Variants in NRG3 observed in about 807,000 individuals in gnomAD.
The protein encoded by NRG3 is neuregulin 3.
NRG3 carries 31 observed loss-of-function variants against 66.9 expected under a neutral mutation model. That is an observed-to-expected ratio of 0.46 (90% CI 0.35 to 0.63). NRG3 has a LOEUF of 0.63. Ranked by LOEUF, NRG3 falls within the 20% of genes least tolerant of loss-of-function variation. The pLI is 0.00. For synonymous variants in NRG3, 393 were observed against 359.4 expected (o/e 1.09, Z -1.06); for missense variants, 910 against 878.9 (o/e 1.04, Z -0.45).
rs1249423059 is a variant in NRG3, at chr10:82,973,842, A to G, written c.1339A>G (p.Ser447Gly). Residue 447 changes from serine (S) to glycine (G), a missense_variant, in exon 7 of 9, where the codon AGT (serine) becomes GGT (glycine). Transcript: ENST00000372141. ...VTALEKMMES[S>G]FVGPQSFPEV... ...TGCATTGGAGAAAATGATGGAGTCA[A>G]GTTTTGTCGGCCCCCAGTCATTCCC... 1.9e-6 allele frequency: 3 copies of G among 1,613,930 alleles called. No individual in the cohort carries two copies. Among genetic ancestry groups the G allele is most frequent in the South Asian group, 1.1e-5 (1 of 91,094 alleles).
At chr10:82,169,977 CTT>C (rs1233336247) in intron 1 of NRG3, among the ~76,000 whole-genome samples, 2 of 128,366 alleles carry the variant, frequency 1.6e-5, no homozygotes, top group Non-Finnish European at 3.2e-5. Context: ...GATTTCAAGA[CTT>C]AAGTTTTTCA....
intron 1 of NRG3, among the ~76,000 whole-genome samples, chr10:81,930,742 A>G (rs138387356): frequency 6.6e-6 from 1 of 152,256 alleles, no homozygotes; most frequent in African/African-American, 2.4e-5. Flanking sequence ...CATCGCATGT[A>G]GAGGAGGGGC....
chr10:82,229,670 C>T (rs2076354299), intron 1 of NRG3, among the ~76,000 whole-genome samples: 1 of 152,062 alleles, frequency 6.6e-6, no homozygotes, highest in African/African-American at 2.4e-5. Flanking sequence ...AGGGAAAAGC[C>T]CCTTATAAAA....
At chr10:82,897,517 T>TTTTTG (rs745486670) in intron 4 of NRG3, among the ~76,000 whole-genome samples, 17 of 152,272 alleles carry the variant, frequency 1.1e-4, no homozygotes, top group African/African-American at 1.7e-4. Context: ...TAACATGTCT[T>TTTTTG]TTTTGTTTTG....
chr10:82,784,160 G>C (rs1328161896), intron 3 of NRG3, among the ~76,000 whole-genome samples: 2 of 152,124 alleles, frequency 1.3e-5, no homozygotes. Context: ...GCCATATGTA[G>C]AAAGCTGAAA....
intron 1 of NRG3, among the ~76,000 whole-genome samples, chr10:82,094,779 A>G (rs184501417): frequency 3.3e-4 from 51 of 152,342 alleles, no homozygotes; most frequent in South Asian, 8.3e-4. Context: ...TAAGTGAAAC[A>G]ACTCAGAAAC....
At chr10:82,479,324 A>G (rs1264214635) in intron 2 of NRG3, among the ~76,000 whole-genome samples, 1 of 152,150 alleles carries the variant, frequency 6.6e-6, no homozygotes, top group Admixed American at 6.5e-5. Context: ...ATATGTATAC[A>G]CACAGACATA....
chr10:82,679,043 C>T (rs558409240), intron 2 of NRG3, among the ~76,000 whole-genome samples: 2 of 152,240 alleles, frequency 1.3e-5, no homozygotes, highest in African/African-American at 2.4e-5. Context: ...GTGATGTTGA[C>T]TGGGCTGTAT....
At chr10:82,728,489 C>T (rs149892687) in intron 2 of NRG3, among the ~76,000 whole-genome samples, 1,544 of 152,282 alleles carry the variant, frequency 0.01, 24 homozygotes, top group African/African-American at 0.035. Flanking sequence ...ATGTAAGATG[C>T]GACTTGTTCC....
intron 2 of NRG3, among the ~76,000 whole-genome samples, chr10:82,631,756 C>CT (rs1341993900): frequency 6.6e-6 from 1 of 151,916 alleles, no homozygotes; most frequent in Non-Finnish European, 1.5e-5. Context: ...TGTTTGCTTG[C>CT]TTTTTTATTT....
chr10:82,757,678 A>G (rs151118940), intron 3 of NRG3, among the ~76,000 whole-genome samples: 1 of 152,198 alleles, frequency 6.6e-6, no homozygotes, highest in Non-Finnish European at 1.5e-5. Flanking sequence ...GTGAAAGGAG[A>G]TGATGCTCTG....
intron 2 of NRG3, among the ~76,000 whole-genome samples, chr10:82,517,857 A>G (rs939625719): frequency 2.0e-5 from 3 of 152,180 alleles, no homozygotes; most frequent in African/African-American, 7.2e-5. Context: ...CTCATAATCA[A>G]TATTTTTAAT....
rs898896637 is a variant in NRG3 at position 82,420,180 on chromosome 10, C to G, written c.953+61312C>G. Among the ~76,000 whole-genome samples, 3 of 152,034 alleles carry G rather than the reference C, an allele frequency of 2.0e-5. No individual in the cohort carries two copies. The South Asian group carries it at 6.2e-4, about 32-fold the overall frequency. ...TGGCTTGTTCTGTGCATTTGTTTTT[C>G]GTGCTTCAATTAGCCATTGTGTCCT... On this transcript the variant is annotated intron_variant, in intron 2 of 8. Coordinates refer to ENST00000372141, the MANE Select transcript of NRG3 (RefSeq NM_001010848.4).
intron 4 of NRG3, among the ~76,000 whole-genome samples, chr10:82,946,446 G>A (rs1334513017): frequency 6.6e-6 from 1 of 151,946 alleles, no homozygotes; most frequent in Non-Finnish European, 1.5e-5. Flanking sequence ...GGCTGAGGCA[G>A]GAAAATCGCT....
chr10:82,397,085 G>C (rs1262917393), intron 2 of NRG3, among the ~76,000 whole-genome samples: 1 of 152,098 alleles, frequency 6.6e-6, no homozygotes, highest in African/African-American at 2.4e-5. Flanking sequence ...CTTCTCCCCA[G>C]CATGGGGCAA....
chr10:82,037,735 C>T (rs2062852080), intron 1 of NRG3, among the ~76,000 whole-genome samples: 1 of 152,052 alleles, frequency 6.6e-6, no homozygotes, highest in African/African-American at 2.4e-5. Context: ...TCAGTTTTCT[C>T]TTATTTTAAT....
chr10:82,278,153 A>G (rs1405319979), intron 1 of NRG3, among the ~76,000 whole-genome samples: 1 of 152,134 alleles, frequency 6.6e-6, no homozygotes, highest in African/African-American at 2.4e-5. Flanking sequence ...ATCACGATTT[A>G]CACTAAAATT....
chr10:82,050,097 A>C (rs376267445), intron 1 of NRG3, among the ~76,000 whole-genome samples: 159 of 152,154 alleles, frequency 1.0e-3, no homozygotes, highest in African/African-American at 3.8e-3. Flanking sequence ...ATGGATAAGC[A>C]GTGATGGGGC....
intron 2 of NRG3, among the ~76,000 whole-genome samples, chr10:82,432,815 A>G (rs1398013178): frequency 6.6e-6 from 1 of 152,172 alleles, no homozygotes; most frequent in African/African-American, 2.4e-5. Flanking sequence ...TTATGGCAGT[A>G]TAGTGTTGCA....
Sources: gnomAD v4.1 joint callset for allele counts (sites outside exome capture counted in the v4.1 genomes callset) on GRCh38, gnomAD v4.1.1 for gene constraint, MANE v1.5 for transcripts, NCBI Gene and HGNC (gene_info 2026-07-23, HGNC 2026-07-21) for gene names.